The following HERC4 variants were observed in gnomAD, a reference collection of about 807,000 sequenced individuals.
The protein encoded by HERC4 is probable E3 ubiquitin-protein ligase HERC4.
Under a neutral mutation model 124.3 loss-of-function variants are expected in HERC4, and 28 were observed. The observed-to-expected ratio is 0.23, with a 90% CI of 0.17 to 0.31. The LOEUF is 0.31. Ranked by LOEUF, HERC4 falls within the 10% of genes least tolerant of loss-of-function variation. The pLI is 1.00. For missense variants in HERC4, 713 were observed against 1,229.3 expected, an observed-to-expected ratio of 0.58 and a Z score of 6.28; for synonymous variants, 407 against 421.5, an observed-to-expected ratio of 0.97 and a Z score of 0.42.
In HERC4 at chr10:68,073,012, T is replaced by G; in HGVS notation, c.97A>C (p.Asn33His). The G allele has an allele frequency of 6.2e-7, 1 of 1,614,012 alleles. No individual in the cohort carries two copies. The highest frequency in any genetic ancestry group is 8.5e-7 in the Non-Finnish European group (1 of 1,179,936). ...CATCCTACATCTCGGACCCTTTTAT[T>G]TATAAAGAAGTCACTTTTTCTGGGC... ...LEPRKSDFFINKRVRDVGCGL... is the reference protein window; with the variant it reads ...LEPRKSDFFIHKRVRDVGCGL... Residue 33 changes from asparagine to histidine, a missense_variant, in exon 3 of 25, where the codon AAT (asparagine) becomes CAT (histidine). Physicochemically the swap from Asn to His is moderately conservative, Grantham distance 68 (BLOSUM62 1). Coordinates refer to ENST00000373700, the MANE Select transcript of HERC4 (RefSeq NM_015601.4).
intron 24 of HERC4, among the ~76,000 whole-genome samples, chr10:67,923,343 T>C (rs1316641920): frequency 6.6e-6 from 1 of 152,214 alleles, no homozygotes; most frequent in Non-Finnish European, 1.5e-5. Context: ...AAAAGTATAA[T>C]CTTAATACTG....
chr10:67,941,149 A>G lies in HERC4; in HGVS notation c.2338-44T>C, dbSNP rs200112536. 99 of 1,346,206 alleles carry G rather than the reference A, an allele frequency of 7.4e-5. No homozygotes were observed. The East Asian group carries it at 2.4e-3, about 33-fold the overall frequency. 83.4% of individuals were successfully genotyped at this position (1,346,206 alleles called of 1,614,324 possible). A position where few individuals can be genotyped will look rare whatever the true frequency, so the allele number is the denominator to read the frequency against. On this transcript the variant is annotated intron_variant, in intron 19 of 24. Coordinates refer to ENST00000373700, the MANE Select transcript of HERC4 (RefSeq NM_015601.4). ...GTAAACACATGTCCTCCAAGTTAAA[A>G]TATTAAATTTTCTAAGATTACATAA... is the stretch of plus-strand genomic sequence containing the variant.
intron 3 of HERC4, among the ~76,000 whole-genome samples, chr10:68,053,951 T>C (rs2040432181): frequency 6.6e-6 from 1 of 152,204 alleles, no homozygotes; most frequent in Non-Finnish European, 1.5e-5. Flanking sequence ...AGAAGGAATA[T>C]ACGTTGTCAA....
chr10:68,004,323 CA>C (rs1348292726), intron 9 of HERC4, among the ~76,000 whole-genome samples: 1 of 152,072 alleles, frequency 6.6e-6, no homozygotes, highest in Admixed American at 6.6e-5. Context: ...GGGTAGTTTG[CA>C]AATATTTTCT....
chr10:68,011,712 T>G (rs1196311496), intron 9 of HERC4, among the ~76,000 whole-genome samples: 1 of 152,070 alleles, frequency 6.6e-6, no homozygotes, highest in African/African-American at 2.4e-5. Flanking sequence ...ACAGGCAGAG[T>G]AGATTTAGCA....
At chr10:68,052,312 T>C (rs995196700) in intron 3 of HERC4, among the ~76,000 whole-genome samples, 4 of 152,210 alleles carry the variant, frequency 2.6e-5, no homozygotes, top group Admixed American at 6.5e-5. Context: ...AAAACACTAA[T>C]GGCGCATCAT....
rs145990147 is a variant in HERC4 at position 68,037,822 on chromosome 10, G to A, written c.463+271C>T. ...AAATGGACAAATATACCGTGTTCTA[G>A]AATTGAAAGGTTCAATACTGTAAAG... On this transcript the variant is annotated intron_variant, in intron 5 of 24. Transcript: ENST00000373700. 5.3e-5 allele frequency among the ~76,000 whole-genome samples: 8 copies of A among 152,294 alleles called. No individual in the cohort carries two copies. The East Asian group carries it at 1.4e-3, about 26-fold the overall frequency.
At chr10:68,027,181 T>C (rs1232208691) in intron 7 of HERC4, among the ~76,000 whole-genome samples, 1 of 152,252 alleles carries the variant, frequency 6.6e-6, no homozygotes, top group African/African-American at 2.4e-5. Flanking sequence ...CTTTCATCAT[T>C]TAATAGCGTT....
chr10:67,995,023 T>G (rs2036782350), intron 9 of HERC4: 5 of 246,896 alleles, frequency 2.0e-5, no homozygotes, highest in South Asian at 1.8e-4. Flanking sequence ...TCGAAAAAGT[T>G]TGAGAAACCT....
chr10:67,935,661 G>A (rs1464324412), intron 22 of HERC4, among the ~76,000 whole-genome samples: 2 of 152,202 alleles, frequency 1.3e-5, no homozygotes, highest in Middle Eastern at 3.2e-3. Flanking sequence ...CCAGGCCAGA[G>A]AGGGGCAGTT....
intron 3 of HERC4, among the ~76,000 whole-genome samples, chr10:68,062,692 G>A (rs553321525): frequency 1.1e-4 from 16 of 152,040 alleles, no homozygotes; most frequent in African/African-American, 2.9e-4. Context: ...CCCGGGAGGC[G>A]GAGGTTGCAG....
At position 67,932,726 on chromosome 10, in the gene HERC4, G is replaced by A. The variant is rs1312589911; in HGVS notation, c.2709C>T (p.Ser903=). Reference sequence around the variant, plus strand: ...AGCCCGCATGAAAAGCATCAAATAAGGAAGCCACTGATTTATTGAATATGT... The same window carrying A: ...AGCCCGCATGAAAAGCATCAAATAAAGAAGCCACTGATTTATTGAATATGT... ...VDYIFNKSVA[S]LFDAFHAGFH... Residue 903 remains serine (S), a synonymous_variant, in exon 23 of 25, where the codon TCC becomes TCT. Coordinates refer to ENST00000373700, the MANE Select transcript of HERC4 (RefSeq NM_015601.4). 6.3e-7 allele frequency: 1 copy of A among 1,599,590 alleles called. No homozygotes were observed. Among genetic ancestry groups the A allele is most frequent in the African/African-American group, 1.4e-5 (1 of 73,878 alleles).
At position 68,073,151 on chromosome 10, in the gene HERC4, C is replaced by T. The variant is rs745624493; in HGVS notation, c.-43G>A. The stretch of plus-strand genomic sequence containing the variant: ...TCTTCCAGTTTCAATAAAAAATTCT[C>T]TTCTGAAACCCCGGAAAGTTGGAGG... On this transcript the variant is annotated 5_prime_UTR_variant, in exon 3 of 25. Transcript: ENST00000373700. 3.9e-6 allele frequency: 6 copies of T among 1,534,278 alleles called. No individual in the cohort carries two copies. The highest frequency in any genetic ancestry group is 5.4e-6 in the Non-Finnish European group (6 of 1,121,292).
At chr10:67,953,329 G>C (rs2033934980) in intron 19 of HERC4, among the ~76,000 whole-genome samples, 1 of 152,128 alleles carries the variant, frequency 6.6e-6, no homozygotes, top group Non-Finnish European at 1.5e-5. Flanking sequence ...TTATCTGGCT[G>C]TCTATCTATA....
chr10:68,013,447 C>T (rs188478109), intron 9 of HERC4, among the ~76,000 whole-genome samples: 170 of 152,210 alleles, frequency 1.1e-3, no homozygotes, highest in African/African-American at 3.9e-3. Context: ...ACCTTGAGGA[C>T]GTTATGCTTA....
intron 7 of HERC4, among the ~76,000 whole-genome samples, chr10:68,031,449 T>G (rs535640215): frequency 6.6e-6 from 1 of 152,192 alleles, no homozygotes; most frequent in Non-Finnish European, 1.5e-5. Context: ...GTTATCTGAA[T>G]GCCAAAATCA....
At position 68,072,957 on chromosome 10, in the gene HERC4, T is replaced by C. The variant is rs1385738295; in HGVS notation, c.152A>G (p.Asp51Gly). The C allele has an allele frequency of 6.2e-7, 1 of 1,614,066 alleles. No individual in the cohort carries two copies. The highest frequency in any genetic ancestry group is 2.2e-5 in the East Asian group (1 of 44,872). Residue 51 changes from aspartate to glycine, a missense_variant, in exon 3 of 25, where the codon GAT becomes GGT. Asp to Gly is a moderately conservative substitution (Grantham distance 94, BLOSUM62 -1). Transcript: ENST00000373700. ...CGLRHTVFVL[D>G]DGTVYTCGCN... is the part of the protein sequence containing the mutation. ...TCCACATGTGTACACTGTTCCATCA[T>C]CCAGAACAAACACAGTATGTCTGAG...
chr10:67,990,282 T>C lies in HERC4; in HGVS notation c.1562A>G (p.Asn521Ser), dbSNP rs548965452. 3 of 1,613,026 alleles carry C rather than the reference T, an allele frequency of 1.9e-6. No individual in the cohort carries two copies. Among genetic ancestry groups the C allele is most frequent in the African/African-American group, 1.3e-5 (1 of 75,006 alleles). The change falls in exon 14 of 25, where the codon AAT (asparagine) becomes AGT (serine). Residue 521 changes from asparagine to serine, a missense_variant. Transcript: ENST00000373700. ...PECPLMSDSN[N>S]FTTIAIPFGT... ...AAAGGGAATTGCTATTGTTGTGAAATTGTTGGAATCACTCATCAGGGGACA... is the reference window on the plus strand; with the variant it reads ...AAAGGGAATTGCTATTGTTGTGAAACTGTTGGAATCACTCATCAGGGGACA...
intron 6 of HERC4, 26 bp downstream of exon 6, chr10:68,033,939 T>A: frequency 4.4e-6 from 7 of 1,588,152 alleles, no homozygotes; most frequent in Non-Finnish European, 6.0e-6. Context: ...AAAAGTACAC[T>A]TAAACTATAC....
Sources: gnomAD v4.1 joint callset for allele counts (sites outside exome capture counted in the v4.1 genomes callset) on GRCh38, gnomAD v4.1.1 for gene constraint, MANE v1.5 for transcripts, NCBI Gene and HGNC (gene_info 2026-07-23, HGNC 2026-07-21) for gene names.